TNN: variants seen among roughly 807,000 people sequenced by gnomAD.
TNN encodes tenascin-N.
TNN carries 122 observed loss-of-function variants against 134.4 expected under a neutral mutation model. The observed-to-expected ratio is 0.91, with a 90% CI of 0.78 to 1.06. The LOEUF (loss-of-function observed/expected upper bound fraction) is 1.06, where lower values mean the gene tolerates loss of function less well. Among genes scored for constraint, TNN ranks in the 50% least tolerant of loss-of-function variants. The pLI is 0.00. For missense variants in TNN, 1,739 were observed against 1,699.4 expected, an observed-to-expected ratio of 1.02 and a Z score of -0.41; for synonymous variants, 710 against 670.3, an observed-to-expected ratio of 1.06 and a Z score of -0.91.
chr1:175,077,282 C>A, intron 1 of TNN, 102 bp from the exon 2 acceptor site: 1 of 884,428 alleles, frequency 1.1e-6, no homozygotes. Flanking sequence ...GTTCTTTCTG[C>A]TGGTTTCCCA....
rs749077791 is a variant in TNN, at chr1:175,085,370, T to C, written c.1235-35T>C. The C allele has an allele frequency of 2.6e-5, 36 of 1,377,412 alleles. No homozygotes were observed. In the East Asian group the frequency reaches 8.3e-4, roughly 32 times the overall value. The allele number at this position is 1,377,412 out of a possible 1,614,324, so 85.3% of individuals were successfully genotyped here. On this transcript the variant is annotated intron_variant, in intron 5 of 18. Coordinates refer to ENST00000239462, the MANE Select transcript of TNN (RefSeq NM_022093.2). ...GTGCTGGGGAGAGGGGTCTGGAGCC[T>C]GCACTCACATCCTGCGCTGCCTGCT... is the stretch of plus-strand genomic sequence containing the variant.
chr1:175,091,561 T>A (rs146714493), intron 6 of TNN, among the ~76,000 whole-genome samples: 3 of 104,466 alleles, frequency 2.9e-5, no homozygotes, highest in Non-Finnish European at 6.5e-5. Context: ...TTTATTATTT[T>A]TATTTATTTA....
In TNN at chr1:175,083,320, G is replaced by A. The variant is rs149115653; in HGVS notation, c.1049-430G>A. 1.1e-3 allele frequency among the ~76,000 whole-genome samples: 171 copies of A among 152,316 alleles called. 1 individual carries two copies. The highest frequency in any genetic ancestry group is 3.9e-3 in the African/African-American group (164 of 41,574). ...TTGAAATAGATTCTCTCCACTTTCC[G>A]TGGAAGTGCCTGAGCTGCTTATCCT... On this transcript the variant is annotated intron_variant, in intron 4 of 18. Coordinates refer to ENST00000239462, the MANE Select transcript of TNN (RefSeq NM_022093.2).
At chr1:175,137,774 G>A (rs193165227) in intron 17 of TNN, among the ~76,000 whole-genome samples, 1 of 152,300 alleles carries the variant, frequency 6.6e-6, no homozygotes, top group Admixed American at 6.5e-5. Flanking sequence ...TGACATTTGC[G>A]TTTTTGACTT....
rs74325473 is a variant in TNN at position 175,120,307 on chromosome 1, T to C, written c.2650+1483T>C. Among the ~76,000 whole-genome samples the C allele has an allele frequency of 4.8e-3, 725 of 152,332 alleles. 9 individuals are homozygous for C. The highest frequency in any genetic ancestry group is 0.014 in the African/African-American group (592 of 41,566). On this transcript the variant is annotated intron_variant, in intron 11 of 18. Transcript: ENST00000239462. ...TAAAACCGTAAATTATGCTAAATTC[T>C]GTGAAGGAGATGAACATGGTGTAGG...
intron 1 of TNN, among the ~76,000 whole-genome samples, chr1:175,072,638 G>T (rs1176722091): frequency 1.3e-5 from 2 of 152,212 alleles, no homozygotes; most frequent in Non-Finnish European, 2.9e-5. Flanking sequence ...GTGAGAGCCA[G>T]CAGGCTTCTC....
chr1:175,113,885 A>G (rs1388290170), intron 9 of TNN, among the ~76,000 whole-genome samples: 1 of 151,732 alleles, frequency 6.6e-6, no homozygotes, highest in Non-Finnish European at 1.5e-5. Flanking sequence ...CATTCATTGA[A>G]TTCATTAGCT....
At chr1:175,120,255 G>A (rs1675316114) in intron 11 of TNN, among the ~76,000 whole-genome samples, 1 of 152,192 alleles carries the variant, frequency 6.6e-6, no homozygotes, top group South Asian at 2.1e-4. Context: ...CTAGAGTGAA[G>A]ATAGACAATA....
chr1:175,085,113 A>C (rs1166276079), intron 5 of TNN, among the ~76,000 whole-genome samples: 1 of 152,230 alleles, frequency 6.6e-6, no homozygotes, highest in Non-Finnish European at 1.5e-5. Context: ...TTGGGAAATA[A>C]GTGCTAGGTG....
rs767779870 is a variant in TNN, at chr1:175,097,553, G to C, written c.1725G>C (p.Glu575Asp). 2 of 1,614,108 alleles carry C rather than the reference G, an allele frequency of 1.2e-6. No individual in the cohort carries two copies. The highest frequency in any genetic ancestry group is 1.3e-5 in the African/African-American group (1 of 74,934). ...CTGCTGACGACCAAGAGACCAGAGA[G>C]GTTCTGGTGGGGAAGGAGCAGAGCA... ...YTSADDQETREVLVGKEQSST... is the reference protein window; with the variant it reads ...YTSADDQETRDVLVGKEQSST... Residue 575 changes from glutamate (E) to aspartate (D), a missense_variant, in exon 8 of 19, where the codon GAG (glutamate) becomes GAC (aspartate). Coordinates refer to ENST00000239462, the MANE Select transcript of TNN (RefSeq NM_022093.2).
intron 9 of TNN, among the ~76,000 whole-genome samples, chr1:175,111,476 G>C (rs1163084607): frequency 3.8e-5 from 4 of 106,360 alleles, no homozygotes; most frequent in Non-Finnish European, 5.2e-5. Flanking sequence ...AACAGAGCGA[G>C]ACTCTGTCTC....
rs771069780 is a variant in TNN at position 175,085,465 on chromosome 1, G to A, written c.1295G>A (p.Gly432Asp). The A allele has an allele frequency of 3.1e-6, 5 of 1,612,248 alleles. No individual in the cohort carries two copies. In the South Asian group the frequency reaches 5.5e-5, roughly 18 times the overall value. Residue 432 changes from glycine to aspartate, a missense_variant, in exon 6 of 19, where the codon GGC becomes GAC. Gly to Asp is a moderately conservative substitution (Grantham distance 94). Transcript: ENST00000239462. Reference sequence around the variant, plus strand: ...GTGCCCATGAGAGGAGAGCTGGAGGGCAAGCCGATCCTCCTGAATGGCAGG... The same window carrying A: ...GTGCCCATGAGAGGAGAGCTGGAGGACAAGCCGATCCTCCTGAATGGCAGG... ...TVVPMRGELE[G>D]KPILLNGRTE...
chr1:175,100,857 A>G (rs1249326635), intron 9 of TNN, among the ~76,000 whole-genome samples: 1 of 152,186 alleles, frequency 6.6e-6, no homozygotes, highest in Non-Finnish European at 1.5e-5. Context: ...CATAATAGAC[A>G]TTTGTTTCTT....
intron 17 of TNN, among the ~76,000 whole-genome samples, chr1:175,139,957 A>G (rs111679370): frequency 7.2e-4 from 110 of 152,388 alleles, no homozygotes; most frequent in Non-Finnish European, 1.5e-3. Flanking sequence ...AGTCAGATAT[A>G]GAAAAAGGCA....
chr1:175,145,349 T>G (rs1307795887), intron 18 of TNN, among the ~76,000 whole-genome samples: 1 of 151,786 alleles, frequency 6.6e-6, no homozygotes, highest in Non-Finnish European at 1.5e-5. Flanking sequence ...GCCCAGGAAT[T>G]TGAGACCAGC....
chr1:175,129,926 C>T (rs998942124), intron 15 of TNN, among the ~76,000 whole-genome samples: 12 of 152,198 alleles, frequency 7.9e-5, no homozygotes, highest in South Asian at 2.1e-4. Flanking sequence ...GTCTGAAAGA[C>T]GGAAACTTGG....
intron 9 of TNN, among the ~76,000 whole-genome samples, chr1:175,099,592 AGGAGGAGAGGTGAGGGGTCAGG>A (rs1558357063): frequency 6.9e-4 from 28 of 40,464 alleles, no homozygotes; most frequent in African/African-American, 3.5e-3. Flanking sequence ...AGGGCTCAGG[AGGAGGAGAGGTGAGGGGTCAGG>A]AGGAGGAGAG....
chr1:175,107,081 G>A (rs1218657015), intron 9 of TNN, among the ~76,000 whole-genome samples: 6 of 146,336 alleles, frequency 4.1e-5, no homozygotes, highest in African/African-American at 9.8e-5. Context: ...GGCGATATGC[G>A]AAAGTCCCTT....
chr1:175,106,760 T>G (rs933512511), intron 9 of TNN, among the ~76,000 whole-genome samples: 4 of 145,532 alleles, frequency 2.7e-5, no homozygotes, highest in Non-Finnish European at 6.1e-5. Context: ...CGGAGATGCA[T>G]GGCTTTCCTC....
Sources: gnomAD v4.1 joint callset for allele counts (sites outside exome capture counted in the v4.1 genomes callset) on GRCh38, gnomAD v4.1.1 for gene constraint, MANE v1.5 for transcripts, NCBI Gene and HGNC (gene_info 2026-07-23, HGNC 2026-07-21) for gene names.